TTC7B: variants seen among roughly 807,000 people sequenced by gnomAD.
TTC7B encodes the protein tetratricopeptide repeat domain 7B.
In TTC7B, 28 loss-of-function variants were observed where a neutral mutation model predicts 106.8. The observed-to-expected ratio is 0.26, with a 90% CI of 0.19 to 0.36. The LOEUF is 0.36. Among genes scored for constraint, TTC7B ranks in the 10% least tolerant of loss-of-function variants. The probability of loss-of-function intolerance (pLI) is 1.00; values close to 1 mark genes in which losing one functional copy is unlikely to be tolerated. For missense variants in TTC7B, 862 were observed against 1,076.4 expected (o/e 0.80, Z 2.79); for synonymous variants, 405 against 430.6 (o/e 0.94, Z 0.74).
intron 15 of TTC7B, among the ~76,000 whole-genome samples, chr14:90,620,603 G>T (rs113313674): frequency 7.9e-5 from 12 of 152,312 alleles, no homozygotes; most frequent in African/African-American, 2.9e-4. Context: ...AGCCGTGCAC[G>T]TGCTGCACAG....
chr14:90,665,741 C>T (rs533600436), intron 9 of TTC7B, among the ~76,000 whole-genome samples: 55 of 152,320 alleles, frequency 3.6e-4, no homozygotes, highest in African/African-American at 1.3e-3. Flanking sequence ...TCATTATTTA[C>T]CTCATAGACA....
At position 90,720,856 on chromosome 14, in the gene TTC7B, G is replaced by A. The variant is rs375197901; in HGVS notation, c.698+9219C>T. ...TGTTTTTTCTTCTCCTGCTGGACTA[G>A]AAATTCCACAGGGACCATTTGCTGT... On this transcript the variant is annotated intron_variant, in intron 5 of 19. Transcript: ENST00000328459. 2.7e-4 allele frequency among the ~76,000 whole-genome samples: 41 copies of A among 152,288 alleles called. 1 individual carries two copies. Among genetic ancestry groups the A allele is most frequent in the African/African-American group, 7.2e-4 (30 of 41,568 alleles).
At chr14:90,598,247 G>T (rs976976505) in intron 17 of TTC7B, among the ~76,000 whole-genome samples, 10 of 152,224 alleles carry the variant, frequency 6.6e-5, no homozygotes, top group Admixed American at 5.9e-4. Flanking sequence ...TCTAGCACAG[G>T]TCTGTCGTCA....
intron 4 of TTC7B, among the ~76,000 whole-genome samples, chr14:90,737,557 T>C (rs1174955409): frequency 7.1e-6 from 1 of 141,342 alleles, no homozygotes. Flanking sequence ...TTTTTTTTTT[T>C]TTTTTTTTTT....
intron 19 of TTC7B, among the ~76,000 whole-genome samples, chr14:90,555,669 G>A (rs4904704): frequency 0.31 from 47,374 of 152,118 alleles, 8,741 homozygotes; most frequent in Admixed American, 0.42. Context: ...TAATGGTGTG[G>A]TGATTTTGCG....
chr14:90,695,404 A>G (rs1390472873), intron 6 of TTC7B, 96 bp downstream of exon 6: 1 of 546,286 alleles, frequency 1.8e-6, no homozygotes, highest in Non-Finnish European at 3.1e-6. Context: ...TATATGTCAC[A>G]TATATTTATA....
intron 11 of TTC7B, among the ~76,000 whole-genome samples, chr14:90,655,373 G>A (rs1312856464): frequency 6.6e-6 from 1 of 151,962 alleles, no homozygotes; most frequent in Non-Finnish European, 1.5e-5. Context: ...ATTTGGTGGG[G>A]GTCTATCTTT....
At chr14:90,770,650 T>C (rs1890834167) in intron 3 of TTC7B, among the ~76,000 whole-genome samples, 1 of 141,032 alleles carries the variant, frequency 7.1e-6, no homozygotes, top group African/African-American at 2.7e-5. Flanking sequence ...TGAAACTCCA[T>C]CTCAAAAAAA....
intron 3 of TTC7B, among the ~76,000 whole-genome samples, chr14:90,779,583 C>T (rs1393668045): frequency 6.6e-6 from 1 of 152,220 alleles, no homozygotes; most frequent in East Asian, 1.9e-4. Flanking sequence ...GGATTACAGG[C>T]GTGAGCTACC....
At chr14:90,553,085 G>A (rs1279041074) in intron 19 of TTC7B, among the ~76,000 whole-genome samples, 1 of 152,212 alleles carries the variant, frequency 6.6e-6, no homozygotes, top group Non-Finnish European at 1.5e-5. Context: ...CTTCCTCAGG[G>A]AGTGTGCCGA....
chr14:90,742,310 T>A lies in TTC7B; in HGVS notation c.576+2482A>T, dbSNP rs1478748409. Among the ~76,000 whole-genome samples, 3 of 150,974 alleles carry A rather than the reference T, an allele frequency of 2.0e-5. No homozygotes were observed. Among genetic ancestry groups the A allele is most frequent in the African/African-American group, 7.3e-5 (3 of 41,040 alleles). ...TTCCCTCCCTTCCTCCCTCCCTCCTTTCTCTTTCTCTTTCTCTCTCTCTCT... is the reference window on the plus strand; with the variant it reads ...TTCCCTCCCTTCCTCCCTCCCTCCTATCTCTTTCTCTTTCTCTCTCTCTCT... On this transcript the variant is annotated intron_variant, in intron 4 of 19. Transcript: ENST00000328459. The surrounding 1 kb of genome is among the most constrained non-coding windows in gnomAD (Gnocchi z 4.1).
At chr14:90,562,534 A>C (rs1173297321) in intron 19 of TTC7B, among the ~76,000 whole-genome samples, 1 of 152,240 alleles carries the variant, frequency 6.6e-6, no homozygotes, top group East Asian at 1.9e-4. Flanking sequence ...CAACCTGCAG[A>C]AAAGCAGCTA....
chr14:90,597,376 G>C (rs545054217), intron 17 of TTC7B, among the ~76,000 whole-genome samples: 1 of 152,284 alleles, frequency 6.6e-6, no homozygotes, highest in African/African-American at 2.4e-5. Context: ...AAACCAAGCA[G>C]GCCAGGCGCG....
At chr14:90,602,669 C>T (rs1446054467) in intron 17 of TTC7B, among the ~76,000 whole-genome samples, 1 of 151,764 alleles carries the variant, frequency 6.6e-6, no homozygotes, top group African/African-American at 2.4e-5. Flanking sequence ...TCATTGCACT[C>T]CAGCCTGATC....
At chr14:90,721,340 C>T (rs1259098921) in intron 5 of TTC7B, among the ~76,000 whole-genome samples, 2 of 152,160 alleles carry the variant, frequency 1.3e-5, no homozygotes, top group African/African-American at 4.8e-5. Context: ...CCTGTCTCCA[C>T]AATTCATCAC....
intron 17 of TTC7B, among the ~76,000 whole-genome samples, chr14:90,595,347 A>G (rs1296345067): frequency 6.6e-6 from 1 of 152,018 alleles, no homozygotes; most frequent in Non-Finnish European, 1.5e-5. Context: ...AAATAAATAA[A>G]TGCATAAATA....
In TTC7B at chr14:90,534,515, G is replaced by T. The variant is rs147072337; in HGVS notation, c.*6853C>A. ...AGCAGCCACCTGGTACAGTGCCCAA[G>T]ACACAGTTTACAGAACTTCAATATG... On this transcript the variant is annotated 3_prime_UTR_variant, in exon 20 of 20. Transcript: ENST00000328459. The T allele has an allele frequency of 1.1e-4, 17 of 152,540 alleles. No individual in the cohort carries two copies. Among genetic ancestry groups the T allele is most frequent in the African/African-American group, 4.1e-4 (17 of 41,590 alleles). 9.4% of individuals were successfully genotyped at this position (152,540 alleles called of 1,614,324 possible).
intron 19 of TTC7B, among the ~76,000 whole-genome samples, chr14:90,557,082 GA>G (rs1890344170): frequency 6.6e-6 from 1 of 151,852 alleles, no homozygotes; most frequent in Admixed American, 6.5e-5. Context: ...GGGGGTCCTA[GA>G]AACTCTGACC....
At chr14:90,731,112 A>AT (rs143811999) in intron 4 of TTC7B, among the ~76,000 whole-genome samples, 12,335 of 147,558 alleles carry the variant, frequency 0.084, 533 homozygotes, top group East Asian at 0.16. Context: ...CACTTAGCTA[A>AT]TTTTTTTTTT....
Sources: gnomAD v4.1 joint callset for allele counts (sites outside exome capture counted in the v4.1 genomes callset) on GRCh38, gnomAD v4.1.1 for gene constraint, Gnocchi (gnomAD v3.1) non-coding constraint, MANE v1.5 for transcripts, NCBI Gene and HGNC (gene_info 2026-07-23, HGNC 2026-07-21) for gene names.